TNNI3K: variants seen among roughly 807,000 people sequenced by gnomAD.
TNNI3K encodes the protein TNNI3 interacting kinase.
TNNI3K carries 140 observed loss-of-function variants against 114.5 expected under a neutral mutation model. The observed-to-expected ratio is 1.22, with a 90% CI of 1.07 to 1.41. The LOEUF (loss-of-function observed/expected upper bound fraction) is 1.41. TNNI3K is among the 40% of genes most tolerant of loss of function. The probability of loss-of-function intolerance (pLI) is 0.00; values close to 1 mark genes in which losing one functional copy is unlikely to be tolerated. For missense variants in TNNI3K, 1,125 were observed against 1,007.6 expected (o/e 1.12, Z -1.58); for synonymous variants, 347 against 347.5 (o/e 1.00, Z 0.02).
At chr1:74,387,302 G>T (rs985940763) in intron 17 of TNNI3K, among the ~76,000 whole-genome samples, 7 of 152,042 alleles carry the variant, frequency 4.6e-5, no homozygotes, top group Admixed American at 6.6e-5. Context: ...ACCAAAAAAA[G>T]CAATTAAAAA....
At chr1:74,403,272 A>G (rs1252556483) in intron 17 of TNNI3K, among the ~76,000 whole-genome samples, 7 of 152,114 alleles carry the variant, frequency 4.6e-5, no homozygotes, top group African/African-American at 7.2e-5. Flanking sequence ...AATATTTTAT[A>G]CAGTTCCTCT....
chr1:74,478,381 G>A (rs947443805), intron 21 of TNNI3K, among the ~76,000 whole-genome samples: 2 of 151,828 alleles, frequency 1.3e-5, no homozygotes, highest in African/African-American at 4.8e-5. Flanking sequence ...AAAACTTTTG[G>A]AATCTTCTAG....
At chr1:74,373,392 C>T (rs1244603242) in intron 17 of TNNI3K, 7 of 151,896 alleles carry the variant, frequency 4.6e-5, no homozygotes, top group Admixed American at 4.6e-4. Context: ...GAAAGTCTCA[C>T]TCAAAGAAGT....
At chr1:74,350,307 T>A (rs1661267475) in intron 9 of TNNI3K, among the ~76,000 whole-genome samples, 1 of 152,126 alleles carries the variant, frequency 6.6e-6, no homozygotes, top group Non-Finnish European at 1.5e-5. Context: ...AATCCTGAGT[T>A]CTAGTTTGCA....
intron 20 of TNNI3K, among the ~76,000 whole-genome samples, chr1:74,457,889 G>A (rs769322393): frequency 6.6e-6 from 1 of 152,144 alleles, no homozygotes; most frequent in African/African-American, 2.4e-5. Flanking sequence ...GAGATAGGTT[G>A]TAGCCTTAAA....
chr1:74,305,171 T>C (rs1658544257), intron 5 of TNNI3K, among the ~76,000 whole-genome samples: 1 of 152,090 alleles, frequency 6.6e-6, no homozygotes, highest in Non-Finnish European at 1.5e-5. Context: ...GGGGACCATA[T>C]TCATGTATTG....
At chr1:74,387,459 T>G (rs1221696746) in intron 17 of TNNI3K, among the ~76,000 whole-genome samples, 1 of 152,200 alleles carries the variant, frequency 6.6e-6, no homozygotes, top group African/African-American at 2.4e-5. Flanking sequence ...AAGATTAAGC[T>G]TCATAGCTAG....
At chr1:74,262,143 T>C (rs1006626934) in intron 4 of TNNI3K, among the ~76,000 whole-genome samples, 1 of 152,124 alleles carries the variant, frequency 6.6e-6, no homozygotes, top group Non-Finnish European at 1.5e-5. Context: ...AAAGTAAGTG[T>C]TTCATAGTTT....
At chr1:74,318,438 C>A (rs1659434776) in intron 5 of TNNI3K, among the ~76,000 whole-genome samples, 1 of 152,138 alleles carries the variant, frequency 6.6e-6, no homozygotes, top group South Asian at 2.1e-4. Flanking sequence ...AGTTCAAGGT[C>A]TAAGAAGGCT....
At chr1:74,509,560 T>C (rs1670072992) in intron 23 of TNNI3K, among the ~76,000 whole-genome samples, 1 of 152,030 alleles carries the variant, frequency 6.6e-6, no homozygotes, top group Admixed American at 6.5e-5. Context: ...TCAATAATAT[T>C]TTATCAGATT....
intron 11 of TNNI3K, among the ~76,000 whole-genome samples, chr1:74,364,808 G>T (rs191584635): frequency 1.3e-5 from 2 of 151,248 alleles, no homozygotes; most frequent in Admixed American, 6.6e-5. Flanking sequence ...GAATGTGGGT[G>T]GCCTATAAAA....
At chr1:74,490,882 G>C (rs528442181) in intron 22 of TNNI3K, among the ~76,000 whole-genome samples, 2 of 152,274 alleles carry the variant, frequency 1.3e-5, no homozygotes, top group East Asian at 3.9e-4. Context: ...TCCTGCAGCA[G>C]AGCCAAAGAA....
chr1:74,409,492 C>CTTTTTT (rs540218540), intron 17 of TNNI3K, among the ~76,000 whole-genome samples: 14 of 124,890 alleles, frequency 1.1e-4, no homozygotes, highest in Admixed American at 1.6e-4. Flanking sequence ...CTATTTGTTT[C>CTTTTTT]TTTTTTTTTT....
chr1:74,490,424 A>C (rs1669008639), intron 22 of TNNI3K, among the ~76,000 whole-genome samples: 1 of 152,192 alleles, frequency 6.6e-6, no homozygotes, highest in South Asian at 2.1e-4. Context: ...TTCGAGCCTA[A>C]TGGGATAGAT....
At chr1:74,276,309 A>G (rs1047773404) in intron 5 of TNNI3K, among the ~76,000 whole-genome samples, 5 of 152,154 alleles carry the variant, frequency 3.3e-5, no homozygotes, top group Admixed American at 2.0e-4. Flanking sequence ...TTAAAGTTGT[A>G]TATTGGGCAT....
At position 74,480,693 on chromosome 1, in the gene TNNI3K, G is replaced by A. The variant is rs1191618886; in HGVS notation, c.2122-8496G>A. 14 of 717,270 alleles carry A rather than the reference G, an allele frequency of 2.0e-5. No individual in the cohort carries two copies. In the East Asian group the frequency reaches 3.2e-4, roughly 16 times the overall value. The allele number at this position is 717,270 out of a possible 1,614,324, so 44.4% of individuals were successfully genotyped here. ...GTGTTTCGGAACCAAGACCCTCGTA[G>A]GGTGCGGAGAGCATTATTGCTCAGC... On this transcript the variant is annotated intron_variant, in intron 21 of 24. Transcript: ENST00000326637.
At position 74,368,859 on chromosome 1, in the gene TNNI3K, G is replaced by T. The variant is rs372054327; in HGVS notation, c.1322-163G>T. The stretch of plus-strand genomic sequence containing the variant: ...ATGCAGGGGGGTAGGGATCATTTGG[G>T]TTAAGGTTTTAGCATCTTTAAGTAG... On this transcript the variant is annotated intron_variant, in intron 13 of 24. Transcript: ENST00000326637. 4.1e-5 allele frequency: 25 copies of T among 605,242 alleles called. 2 individuals carry two copies. Among genetic ancestry groups the T allele is most frequent in the Middle Eastern group, 9.3e-4 (2 of 2,154 alleles). The allele number at this position is 605,242 out of a possible 1,614,324, so 37.5% of individuals were successfully genotyped here. A position where few individuals can be genotyped will look rare whatever the true frequency, so the allele number is the denominator to read the frequency against.
chr1:74,464,677 A>C, intron 21 of TNNI3K: 2 of 1,597,494 alleles, frequency 1.3e-6, no homozygotes. Context: ...ATCTGTGTAC[A>C]CAGAAACTCT....
intron 4 of TNNI3K, among the ~76,000 whole-genome samples, chr1:74,260,354 A>T (rs1402584541): frequency 6.6e-6 from 1 of 152,176 alleles, no homozygotes; most frequent in Non-Finnish European, 1.5e-5. Context: ...CATTAGAACA[A>T]TACTTGACAT....
Sources: allele counts gnomAD v4.1 joint callset (sites outside exome capture counted in the v4.1 genomes callset), GRCh38; gene constraint gnomAD v4.1.1; transcripts MANE v1.5; gene names NCBI Gene and HGNC (gene_info 2026-07-23, HGNC 2026-07-21).